Variants in SAMD12 observed in about 807,000 individuals in gnomAD.
SAMD12 encodes the protein sterile alpha motif domain-containing protein 12.
Under a neutral mutation model 15.0 loss-of-function variants are expected in SAMD12, and 9 were observed. That is an observed-to-expected ratio of 0.60 (90% CI 0.36 to 1.05). The LOEUF is 1.05. SAMD12 is among the 50% of genes least tolerant of loss of function. The pLI is 0.01. For synonymous variants in SAMD12, 86 were observed against 90.1 expected (o/e 0.96, Z 0.25); for missense variants, 230 against 234.2 (o/e 0.98, Z 0.12).
At chr8:118,409,606 A>C (rs1821303554) in intron 3 of SAMD12, among the ~76,000 whole-genome samples, 1 of 152,122 alleles carries the variant, frequency 6.6e-6, no homozygotes, top group Non-Finnish European at 1.5e-5. Context: ...AGGATGTATA[A>C]AGTATTCCCA....
chr8:118,335,996 T>G (rs1817039314), intron 4 of SAMD12, among the ~76,000 whole-genome samples: 1 of 152,142 alleles, frequency 6.6e-6, no homozygotes, highest in Non-Finnish European at 1.5e-5. Context: ...AGCGCTGGGA[T>G]TACAGGCATA....
intron 1 of SAMD12, among the ~76,000 whole-genome samples, chr8:118,592,091 G>A (rs1422007778): frequency 1.3e-5 from 2 of 152,184 alleles, no homozygotes; most frequent in Non-Finnish European, 2.9e-5. Flanking sequence ...GGAGGCCAAG[G>A]TGGGTGGATC....
chr8:118,505,132 T>A (rs568396646), intron 2 of SAMD12, among the ~76,000 whole-genome samples: 38 of 152,324 alleles, frequency 2.5e-4, no homozygotes, highest in African/African-American at 7.7e-4. Context: ...CCTCTTTCTG[T>A]TTCTGGTTCC....
chr8:118,191,346 A>T (rs549481788), exon 5 of SAMD12: 4 of 152,094 alleles, frequency 2.6e-5, no homozygotes, highest in Non-Finnish European at 4.4e-5. Flanking sequence ...GAGCCCTAAA[A>T]TTGCCTACGA....
intron 3 of SAMD12, among the ~76,000 whole-genome samples, chr8:118,437,821 C>T (rs1247242631): frequency 1.3e-5 from 2 of 152,142 alleles, no homozygotes; most frequent in Admixed American, 1.3e-4. Context: ...AGCATTGATG[C>T]ATGAATCTTT....
intron 2 of SAMD12, among the ~76,000 whole-genome samples, chr8:118,574,733 C>T (rs1827106148): frequency 6.6e-6 from 1 of 152,128 alleles, no homozygotes; most frequent in Admixed American, 6.5e-5. Context: ...AGCATGAAGT[C>T]ATATTTGCTT....
chr8:118,365,414 T>C (rs1818713067), intron 4 of SAMD12, among the ~76,000 whole-genome samples: 2 of 152,204 alleles, frequency 1.3e-5, no homozygotes, highest in African/African-American at 4.8e-5. Flanking sequence ...GTAGGTGGAA[T>C]TGTCCTGTCT....
At chr8:118,174,159 A>G in the SAMD12 span, among the ~76,000 whole-genome samples, 3,202 of 152,268 alleles carry the variant, frequency 0.021, 135 homozygotes, top group African/African-American at 0.073. Flanking sequence ...AATTTTACCT[A>G]TCCTGTGGGA....
At chr8:118,452,505 TA>T (rs761578836) in intron 2 of SAMD12, among the ~76,000 whole-genome samples, 2 of 152,244 alleles carry the variant, frequency 1.3e-5, no homozygotes, top group Non-Finnish European at 2.9e-5. Context: ...TTTGCCTCAT[TA>T]GCATAATTAC....
chr8:118,379,605 G>T lies in SAMD12; in HGVS notation c.418C>A (p.Leu140Met), dbSNP rs370018325. 4.6e-5 allele frequency: 75 copies of T among 1,613,832 alleles called. No homozygotes were observed. The highest frequency in any genetic ancestry group is 6.4e-5 in the Non-Finnish European group (75 of 1,179,910). The part of the protein sequence containing the change: ...RQHILQQVLQ[L>M]KVREEVRNLQ... ...TTTCTGACTTCTTCTCGCACCTTCA[G>T]CTGGAGCACCTGTTGTAAGATGTGC... Residue 140 changes from leucine to methionine, a missense_variant, in exon 4 of 4, where the codon CTG becomes ATG. Coordinates refer to ENST00000314727, the MANE Select transcript of SAMD12 (RefSeq NM_207506.3).
intron 2 of SAMD12, among the ~76,000 whole-genome samples, chr8:118,510,218 A>G (rs895067044): frequency 1.3e-5 from 2 of 152,008 alleles, no homozygotes; most frequent in African/African-American, 4.8e-5. Context: ...CCCCCACCAC[A>G]CACACACACA....
At chr8:118,564,073 C>T (rs1826781403) in intron 2 of SAMD12, among the ~76,000 whole-genome samples, 1 of 152,144 alleles carries the variant, frequency 6.6e-6, no homozygotes, top group South Asian at 2.1e-4. Context: ...GCACTTGTGT[C>T]TCAGAAAGTT....
At chr8:118,580,662 CAT>C (rs1192606277) in intron 2 of SAMD12, 51 bp downstream of exon 2, 6 of 1,341,818 alleles carry the variant, frequency 4.5e-6, no homozygotes, top group African/African-American at 2.9e-5. Flanking sequence ...TGGACTACAA[CAT>C]ATAAAGGCTG....
intron 2 of SAMD12, among the ~76,000 whole-genome samples, chr8:118,442,257 G>A (rs1057090837): frequency 1.3e-5 from 2 of 152,182 alleles, no homozygotes; most frequent in Non-Finnish European, 2.9e-5. Context: ...TAGATCCCGT[G>A]TACATCCACA....
At chr8:118,621,509 T>A in intron 1 of SAMD12, 1 of 481,848 alleles carries the variant, frequency 2.1e-6, no homozygotes. Flanking sequence ...TCATGCCGGA[T>A]CCTCCGGCTT....
chr8:118,461,669 T>C (rs919055875), intron 2 of SAMD12, among the ~76,000 whole-genome samples: 1 of 152,224 alleles, frequency 6.6e-6, no homozygotes, highest in African/African-American at 2.4e-5. Context: ...GTTTTAGCTA[T>C]ATTTTATATC....
chr8:118,231,789 C>T (rs1349709603), intron 4 of SAMD12, among the ~76,000 whole-genome samples: 1 of 152,048 alleles, frequency 6.6e-6, no homozygotes, highest in African/African-American at 2.4e-5. Flanking sequence ...TTGCCAGATG[C>T]TACATGCCCC....
At chr8:118,423,293 T>C (rs1822091955) in intron 3 of SAMD12, among the ~76,000 whole-genome samples, 1 of 152,196 alleles carries the variant, frequency 6.6e-6, no homozygotes, top group South Asian at 2.1e-4. Context: ...CCTGAGGGTA[T>C]AGATACCCAA....
At chr8:118,244,032 A>C (rs930905092) in intron 4 of SAMD12, among the ~76,000 whole-genome samples, 1 of 152,112 alleles carries the variant, frequency 6.6e-6, no homozygotes, top group Non-Finnish European at 1.5e-5. Context: ...GGGAACCCTG[A>C]GAATAATACC....
Sources: allele counts gnomAD v4.1 joint callset (sites outside exome capture counted in the v4.1 genomes callset), GRCh38; gene constraint gnomAD v4.1.1; transcripts MANE v1.5; gene names NCBI Gene and HGNC (gene_info 2026-07-23, HGNC 2026-07-21).